ATP2B1: variants seen among roughly 807,000 people sequenced by gnomAD.
The protein encoded by ATP2B1 is plasma membrane calcium-transporting ATPase 1.
A neutral mutation model predicts 124.2 loss-of-function variants in ATP2B1; 14 were observed. The observed-to-expected ratio is 0.11, with a 90% CI of 0.07 to 0.18. The LOEUF (loss-of-function observed/expected upper bound fraction) is 0.18, where lower values mean the gene tolerates loss of function less well. Ranked by LOEUF, ATP2B1 falls within the 10% of genes least tolerant of loss-of-function variation. The pLI is 1.00. For synonymous variants in ATP2B1, 449 were observed against 492.4 expected (o/e 0.91, Z 1.17); for missense variants, 763 against 1,466.1 (o/e 0.52, Z 7.83).
chr12:89,653,422 G>A (rs1032854194), intron 2 of ATP2B1, among the ~76,000 whole-genome samples: 4 of 149,448 alleles, frequency 2.7e-5, no homozygotes, highest in African/African-American at 9.9e-5. Context: ...TCAGCCTCCC[G>A]AGTAGCTGGG....
intron 1 of ATP2B1, among the ~76,000 whole-genome samples, chr12:89,671,488 G>C (rs1887978069): frequency 6.6e-6 from 1 of 152,158 alleles, no homozygotes; most frequent in Non-Finnish European, 1.5e-5. Flanking sequence ...ACTGTGTTTA[G>C]CAATTTGCAG....
chr12:89,663,337 C>T (rs1886918417), intron 1 of ATP2B1, among the ~76,000 whole-genome samples: 4 of 152,114 alleles, frequency 2.6e-5, no homozygotes, highest in Admixed American at 1.3e-4. Flanking sequence ...AGGAATTACA[C>T]GCCTGCTACA....
chr12:89,629,599 C>T (rs1045324793), intron 6 of ATP2B1, among the ~76,000 whole-genome samples: 1 of 152,186 alleles, frequency 6.6e-6, no homozygotes, highest in Non-Finnish European at 1.5e-5. Context: ...AAACAAACCA[C>T]TCAAATATTA....
chr12:89,682,343 C>T (rs1018478757), intron 1 of ATP2B1, among the ~76,000 whole-genome samples: 1 of 152,068 alleles, frequency 6.6e-6, no homozygotes, highest in Admixed American at 6.6e-5. Context: ...TGAAACTAAA[C>T]AAGCTGGTGT....
At chr12:89,656,315 T>C (rs1885946215) in intron 1 of ATP2B1, among the ~76,000 whole-genome samples, 1 of 152,220 alleles carries the variant, frequency 6.6e-6, no homozygotes, top group African/African-American at 2.4e-5. Context: ...CAGAAGACAT[T>C]AGATTACATT....
At chr12:89,660,049 G>T (rs1185314180) in intron 1 of ATP2B1, among the ~76,000 whole-genome samples, 1 of 151,906 alleles carries the variant, frequency 6.6e-6, no homozygotes, top group East Asian at 1.9e-4. Flanking sequence ...AAGACATGGA[G>T]TGCTAAAAAT....
At chr12:89,611,156 T>C (rs1565815761) in intron 13 of ATP2B1, 37 bp downstream of exon 13, 1 of 1,523,438 alleles carries the variant, frequency 6.6e-7, no homozygotes, top group Non-Finnish European at 8.8e-7. Context: ...ATATTAAACA[T>C]CTGTCAACCA....
intron 19 of ATP2B1, 37 bp downstream of exon 19, chr12:89,601,289 C>T (rs1417290350): frequency 7.4e-7 from 1 of 1,356,600 alleles, no homozygotes; most frequent in South Asian, 1.3e-5. Context: ...AAAAAAAAAT[C>T]ACTTTAGGTT....
intron 5 of ATP2B1, among the ~76,000 whole-genome samples, chr12:89,632,686 C>A (rs11105353): frequency 0.15 from 22,826 of 152,098 alleles, 2,063 homozygotes; most frequent in South Asian, 0.35. Context: ...TCAGAGATGG[C>A]ATCATGAGAG....
At chr12:89,671,788 T>TTTTTA (rs55679415) in intron 1 of ATP2B1, among the ~76,000 whole-genome samples, 1 of 150,816 alleles carries the variant, frequency 6.6e-6, no homozygotes, top group African/African-American at 2.4e-5. Flanking sequence ...TTTTTTTTTT[T>TTTTTA]ACTGTAAATT....
chr12:89,668,298 G>T (rs116125258), intron 1 of ATP2B1, among the ~76,000 whole-genome samples: 392 of 152,178 alleles, frequency 2.6e-3, no homozygotes, highest in African/African-American at 9.0e-3. Flanking sequence ...CTAACAGATT[G>T]CTTCACTGTT....
At chr12:89,625,141 T>C (rs1386845420) in intron 8 of ATP2B1, among the ~76,000 whole-genome samples, 1 of 151,894 alleles carries the variant, frequency 6.6e-6, no homozygotes, top group Non-Finnish European at 1.5e-5. Context: ...TGGTGGTGCG[T>C]GCCTGTAATA....
intron 1 of ATP2B1, among the ~76,000 whole-genome samples, chr12:89,684,351 G>A (rs1013370799): frequency 3.9e-5 from 6 of 152,186 alleles, no homozygotes. Flanking sequence ...AGAATTAAAT[G>A]TGCTAACGCT....
chr12:89,695,560 T>C (rs1459467097), intron 1 of ATP2B1, among the ~76,000 whole-genome samples: 1 of 152,172 alleles, frequency 6.6e-6, no homozygotes, highest in Non-Finnish European at 1.5e-5. Context: ...TTTACAATAC[T>C]GAAACTTAAC....
intron 1 of ATP2B1, among the ~76,000 whole-genome samples, chr12:89,699,616 T>C (rs1891578988): frequency 1.3e-5 from 2 of 152,316 alleles, no homozygotes; most frequent in Middle Eastern, 3.4e-3. Flanking sequence ...AACCAAGTGA[T>C]TTATCCAAGA....
chr12:89,612,563 C>T (rs1021520562), intron 12 of ATP2B1, among the ~76,000 whole-genome samples: 4 of 152,034 alleles, frequency 2.6e-5, no homozygotes, highest in Non-Finnish European at 5.9e-5. Context: ...GAGATTTGTG[C>T]GTAATCTCTT....
chr12:89,685,555 TCAGACCCACTC>T (rs923514526), intron 1 of ATP2B1, among the ~76,000 whole-genome samples: 3 of 152,124 alleles, frequency 2.0e-5, no homozygotes, highest in Non-Finnish European at 4.4e-5. Context: ...ATGCAAATTC[TCAGACCCACTC>T]CAGACCTCTT....
At chr12:89,627,954 A>T (rs1046779260) in intron 6 of ATP2B1, among the ~76,000 whole-genome samples, 4 of 152,172 alleles carry the variant, frequency 2.6e-5, no homozygotes, top group African/African-American at 9.6e-5. Context: ...TTTCCATAGG[A>T]CTTCATTATT....
In ATP2B1 at chr12:89,695,328, C is replaced by T. The variant is rs375540634; in HGVS notation, c.-222+13268G>A. On this transcript the variant is annotated intron_variant, in intron 1 of 20. Coordinates refer to ENST00000428670, the MANE Select transcript of ATP2B1 (RefSeq NM_001366521.1). ...AAGAAGGAACACCAGACACACTGAG[C>T]AAGGCTGACTTAAAGCTCTACATAA... Among the ~76,000 whole-genome samples the T allele has an allele frequency of 3.9e-5, 6 of 152,222 alleles. No individual in the cohort carries two copies. In the East Asian group the frequency reaches 9.7e-4, roughly 24 times the overall value.
Sources: gnomAD v4.1 joint callset for allele counts (sites outside exome capture counted in the v4.1 genomes callset) on GRCh38, gnomAD v4.1.1 for gene constraint, MANE v1.5 for transcripts, NCBI Gene and HGNC (gene_info 2026-07-23, HGNC 2026-07-21) for gene names.